CNTNAP2: variants seen among roughly 807,000 people sequenced by gnomAD.
CNTNAP2 encodes contactin associated protein 2, also known as contactin-associated protein-like 2.
Under a neutral mutation model 155.2 loss-of-function variants are expected in CNTNAP2, and 98 were observed. The observed-to-expected ratio is 0.63, with a 90% confidence interval of 0.54 to 0.75. The LOEUF is 0.75. Ranked by LOEUF, CNTNAP2 falls within the 30% of genes least tolerant of loss-of-function variation. The pLI is 0.00. For synonymous variants in CNTNAP2, 651 were observed against 631.2 expected, an observed-to-expected ratio of 1.03 and a Z score of -0.47; for missense variants, 1,727 against 1,688.1, an observed-to-expected ratio of 1.02 and a Z score of -0.40.
intron 15 of CNTNAP2, among the ~76,000 whole-genome samples, chr7:148,055,779 C>CT (rs1802996030): frequency 7.3e-6 from 1 of 136,280 alleles, no homozygotes; most frequent in Non-Finnish European, 1.6e-5. Flanking sequence ...AAAAGCATTG[C>CT]AGTAGAGACT....
chr7:146,220,590 A>T (rs938134806), intron 1 of CNTNAP2, among the ~76,000 whole-genome samples: 1 of 152,182 alleles, frequency 6.6e-6, no homozygotes, highest in Non-Finnish European at 1.5e-5. Flanking sequence ...AACTTAATGA[A>T]TTGGATTATA....
intron 1 of CNTNAP2, among the ~76,000 whole-genome samples, chr7:146,266,141 A>G (rs1341001015): frequency 6.6e-6 from 1 of 152,180 alleles, no homozygotes; most frequent in Non-Finnish European, 1.5e-5. Context: ...ATGCAAGGAG[A>G]GAAGATTAGC....
intron 1 of CNTNAP2, among the ~76,000 whole-genome samples, chr7:146,371,579 A>G (rs199590649): frequency 1.3e-5 from 2 of 151,782 alleles, no homozygotes; most frequent in Non-Finnish European, 2.9e-5. Context: ...GGGTTTCACC[A>G]TGGTCTCGAT....
chr7:147,354,348 G>T (rs189857355), intron 9 of CNTNAP2, among the ~76,000 whole-genome samples: 250 of 152,104 alleles, frequency 1.6e-3, no homozygotes, highest in African/African-American at 5.7e-3. Context: ...TCAGTTTTCC[G>T]CATATGGCTA....
intron 11 of CNTNAP2, among the ~76,000 whole-genome samples, chr7:147,497,946 T>G (rs12671824): frequency 0.3 from 46,007 of 152,044 alleles, 7,119 homozygotes; most frequent in East Asian, 0.43. Context: ...AAGAGCAAAA[T>G]AACATTTTCT....
chr7:146,983,998 T>C (rs560465880), intron 3 of CNTNAP2, among the ~76,000 whole-genome samples: 1 of 152,344 alleles, frequency 6.6e-6, no homozygotes, highest in African/African-American at 2.4e-5. Context: ...AACATGTGCC[T>C]GCAGGTTGGC....
Position 147,801,812 on chromosome 7 carries a change from A to C in CNTNAP2, c.2099-101753A>C, listed in dbSNP as rs1244922407. Among the ~76,000 whole-genome samples the C allele has an allele frequency of 3.5e-3, 534 of 152,082 alleles. 4 individuals are homozygous for C. The highest frequency in any genetic ancestry group is 4.7e-3 in the Admixed American group (72 of 15,286). On this transcript the variant is annotated intron_variant, in intron 13 of 23. Coordinates refer to ENST00000361727, the MANE Select transcript of CNTNAP2 (RefSeq NM_014141.6). ...ATTCCACAAAACCGCCATTGTCATC[A>C]TGGCCTGTTCTCAATGACCTGCTGG...
chr7:146,652,336 A>G lies in CNTNAP2; in HGVS notation c.98-121935A>G, dbSNP rs530386231. ...GGGGCTTTTGGGAAATAGACCTACG[A>G]CTGTTGGTTCTCTGATTATCTCACT... On this transcript the variant is annotated intron_variant, in intron 1 of 23. Transcript: ENST00000361727. 5.9e-5 allele frequency among the ~76,000 whole-genome samples: 9 copies of G among 152,160 alleles called. No homozygotes were observed. The South Asian group carries it at 1.9e-3, about 32-fold the overall frequency.
At chr7:146,910,804 T>A (rs1245191227) in intron 3 of CNTNAP2, among the ~76,000 whole-genome samples, 2 of 147,324 alleles carry the variant, frequency 1.4e-5, no homozygotes, top group Non-Finnish European at 1.5e-5. Flanking sequence ...AATTGACAAA[T>A]GGGATCTAAT....
At chr7:147,748,451 AATG>A (rs1797081209) in intron 13 of CNTNAP2, among the ~76,000 whole-genome samples, 1 of 152,200 alleles carries the variant, frequency 6.6e-6, no homozygotes, top group Non-Finnish European at 1.5e-5. Context: ...TGGTACACTT[AATG>A]ATAAGTGACA....
intron 1 of CNTNAP2, among the ~76,000 whole-genome samples, chr7:146,121,708 A>G (rs1797565840): frequency 6.6e-6 from 1 of 152,196 alleles, no homozygotes; most frequent in African/African-American, 2.4e-5. Context: ...CTGTACCAGT[A>G]TCTGAAACTG....
rs2116739427 is a variant in CNTNAP2, at chr7:148,419,852, G to T, written c.*4236G>T. The T allele has an allele frequency of 6.6e-6, 1 of 152,282 alleles. No homozygotes were observed. Among genetic ancestry groups the T allele is most frequent in the Admixed American group, 6.5e-5 (1 of 15,290 alleles). The allele number at this position is 152,282 out of a possible 1,614,324, so 9.4% of individuals were successfully genotyped here. Reference sequence around the variant, plus strand: ...GGTGGGACCCTCCCTGTGTGACCTTGGTCAAGTCCTCGAACTTTTGTCCCG... The same window carrying T: ...GGTGGGACCCTCCCTGTGTGACCTTTGTCAAGTCCTCGAACTTTTGTCCCG... On this transcript the variant is annotated 3_prime_UTR_variant, in exon 24 of 24. Transcript: ENST00000361727.
intron 4 of CNTNAP2, among the ~76,000 whole-genome samples, chr7:147,078,146 G>T (rs959446645): frequency 2.0e-5 from 3 of 152,118 alleles, no homozygotes; most frequent in African/African-American, 4.8e-5. Flanking sequence ...AGAGAGGATC[G>T]CAATACATAT....
At chr7:148,236,376 C>T (rs772842631) in intron 20 of CNTNAP2, among the ~76,000 whole-genome samples, 2 of 152,126 alleles carry the variant, frequency 1.3e-5, no homozygotes, top group Non-Finnish European at 1.5e-5. Flanking sequence ...TTGGTCAAAG[C>T]GGTTTGCAGT....
At chr7:147,222,679 T>G (rs1803430552) in intron 8 of CNTNAP2, among the ~76,000 whole-genome samples, 1 of 152,202 alleles carries the variant, frequency 6.6e-6, no homozygotes, top group African/African-American at 2.4e-5. Flanking sequence ...AAGGGAGCAC[T>G]TTAAACAGGC....
chr7:147,516,282 A>G (rs1185095955), intron 11 of CNTNAP2, among the ~76,000 whole-genome samples: 2 of 152,124 alleles, frequency 1.3e-5, no homozygotes, highest in Admixed American at 6.5e-5. Flanking sequence ...AGACAAAATT[A>G]CTCAGGCTCA....
intron 19 of CNTNAP2, among the ~76,000 whole-genome samples, chr7:148,227,014 T>G (rs1433276100): frequency 6.6e-6 from 1 of 152,170 alleles, no homozygotes; most frequent in Middle Eastern, 3.2e-3. Context: ...TGCAGACCCT[T>G]TGGGATTTTC....
At chr7:148,133,411 G>A (rs1042156383) in intron 16 of CNTNAP2, among the ~76,000 whole-genome samples, 1 of 152,134 alleles carries the variant, frequency 6.6e-6, no homozygotes, top group Non-Finnish European at 1.5e-5. Context: ...GCAGTAAGCT[G>A]AGATCGCGCC....
intron 15 of CNTNAP2, among the ~76,000 whole-genome samples, chr7:148,072,685 C>T (rs1563189553): frequency 6.6e-6 from 1 of 152,076 alleles, no homozygotes; most frequent in Non-Finnish European, 1.5e-5. Flanking sequence ...TACTTTGGGA[C>T]AGATAATTCT....
Sources: allele counts gnomAD v4.1 joint callset (sites outside exome capture counted in the v4.1 genomes callset), GRCh38; gene constraint gnomAD v4.1.1; transcripts MANE v1.5; gene names NCBI Gene and HGNC (gene_info 2026-07-23, HGNC 2026-07-21).